GRM1: variants seen among roughly 807,000 people sequenced by gnomAD.
GRM1 encodes glutamate metabotropic receptor 1, also known as metabotropic glutamate receptor 1.
Under a neutral mutation model 90.9 loss-of-function variants are expected in GRM1, and 33 were observed. The ratio of observed to expected loss-of-function variants is 0.36; its 90% CI spans 0.28 to 0.49. The LOEUF (loss-of-function observed/expected upper bound fraction) is 0.49, where lower values mean the gene tolerates loss of function less well. Among genes scored for constraint, GRM1 ranks in the 20% least tolerant of loss-of-function variants. GRM1 has a pLI of 0.99. For missense variants in GRM1, 1,190 were observed against 1,534.3 expected, an observed-to-expected ratio of 0.78 and a Z score of 3.75; for synonymous variants, 700 against 613.2, an observed-to-expected ratio of 1.14 and a Z score of -2.09.
chr6:146,101,976 C>G (rs766763203), intron 1 of GRM1, among the ~76,000 whole-genome samples: 1 of 151,938 alleles, frequency 6.6e-6, no homozygotes, highest in Non-Finnish European at 1.5e-5. Context: ...ATATTATTAT[C>G]AAAGATGAGA....
intron 3 of GRM1, among the ~76,000 whole-genome samples, chr6:146,343,732 T>TC (rs1221020961): frequency 6.6e-6 from 1 of 151,756 alleles, no homozygotes; most frequent in African/African-American, 2.4e-5. Flanking sequence ...AGTGGCACAA[T>TC]CTCTGCTCAC....
At chr6:146,136,229 C>T (rs1264190525) in intron 1 of GRM1, among the ~76,000 whole-genome samples, 1 of 152,184 alleles carries the variant, frequency 6.6e-6, no homozygotes, top group Non-Finnish European at 1.5e-5. Flanking sequence ...GTAAATAGTA[C>T]TGAAATAAAC....
At position 146,284,024 on chromosome 6, in the gene GRM1, C is replaced by T. The variant is rs58888406; in HGVS notation, c.951-20587C>T. Among the ~76,000 whole-genome samples, 757 of 152,310 alleles carry T rather than the reference C, an allele frequency of 5.0e-3. 6 individuals are homozygous for T. Among genetic ancestry groups the T allele is most frequent in the African/African-American group, 0.017 (701 of 41,570 alleles). ...GTAATTGCAGATGTTCTGTGTCTGT[C>T]TATTTGCCTGAGTCTTATGGAAATG... On this transcript the variant is annotated intron_variant, in intron 2 of 7. Coordinates refer to ENST00000282753, the MANE Select transcript of GRM1 (RefSeq NM_001278064.2).
At chr6:146,423,930 A>G (rs1778101327) in intron 7 of GRM1, among the ~76,000 whole-genome samples, 1 of 152,062 alleles carries the variant, frequency 6.6e-6, no homozygotes, top group Admixed American at 6.5e-5. Flanking sequence ...GGTGTTTTGT[A>G]TTTTTCATTT....
intron 1 of GRM1, among the ~76,000 whole-genome samples, chr6:146,122,135 G>A (rs1406398797): frequency 6.6e-6 from 1 of 152,036 alleles, no homozygotes; most frequent in Non-Finnish European, 1.5e-5. Context: ...AATGGTAAAG[G>A]GATATATTTA....
chr6:146,331,699 T>A (rs1490955914), intron 3 of GRM1, among the ~76,000 whole-genome samples: 1 of 152,190 alleles, frequency 6.6e-6, no homozygotes, highest in Admixed American at 6.6e-5. Context: ...AGAGCTTTTG[T>A]GTCTTCTTCA....
At chr6:146,321,671 G>A (rs1378791720) in intron 3 of GRM1, among the ~76,000 whole-genome samples, 1 of 151,290 alleles carries the variant, frequency 6.6e-6, no homozygotes, top group African/African-American at 2.4e-5. Context: ...TGCATATTTA[G>A]GATAGTTAGC....
chr6:146,061,588 C>T (rs980102445), intron 1 of GRM1, among the ~76,000 whole-genome samples: 8 of 151,938 alleles, frequency 5.3e-5, no homozygotes, highest in South Asian at 2.1e-4. Context: ...GGCTAATATC[C>T]GGAATCTACA....
intron 7 of GRM1, among the ~76,000 whole-genome samples, chr6:146,412,201 T>G (rs578006097): frequency 1.8e-4 from 28 of 152,316 alleles, no homozygotes; most frequent in Admixed American, 1.2e-3. Flanking sequence ...TGGAATGAAT[T>G]CTGGCATGTG....
In GRM1 at chr6:146,398,845, G is replaced by A; in HGVS notation, c.1806G>A (p.Leu602=). The part of the protein sequence containing the change: ...ESIIAIAFSC[L]GILVTLFVTL... ...TTATAGCCATCGCCTTTTCATGCCT[G>A]GGAATCCTTGTTACCTTGTTTGTCA... The change falls in exon 7 of 8, where the codon CTG becomes CTA. Residue 602 remains leucine, a synonymous_variant. Transcript: ENST00000282753. 1 of 1,613,726 alleles carries A rather than the reference G, an allele frequency of 6.2e-7. No individual in the cohort carries two copies. Among genetic ancestry groups the A allele is most frequent in the Non-Finnish European group, 8.5e-7 (1 of 1,179,700 alleles).
chr6:146,371,369 G>T (rs1200107466), intron 5 of GRM1, among the ~76,000 whole-genome samples: 2 of 151,636 alleles, frequency 1.3e-5, no homozygotes, highest in Admixed American at 1.3e-4. Flanking sequence ...TATATTTATG[G>T]GGTACATGAG....
intron 3 of GRM1, among the ~76,000 whole-genome samples, chr6:146,346,929 G>C (rs527591136): frequency 6.6e-6 from 1 of 152,246 alleles, no homozygotes; most frequent in African/African-American, 2.4e-5. Flanking sequence ...ATTTACCATT[G>C]CTTCCCCGAA....
intron 5 of GRM1, among the ~76,000 whole-genome samples, chr6:146,385,704 TTGAC>T (rs558256547): frequency 3.3e-5 from 5 of 151,976 alleles, no homozygotes; most frequent in Non-Finnish European, 5.9e-5. Flanking sequence ...TCAGGGATAA[TTGAC>T]TGTTTAAAGC....
chr6:146,304,956 A>G, intron 3 of GRM1, 110 bp downstream of exon 3: 2 of 792,820 alleles, frequency 2.5e-6, no homozygotes, highest in East Asian at 5.1e-5. Context: ...TCCAAAGACA[A>G]AATTGCCATC....
chr6:146,303,491 C>A lies in GRM1; in HGVS notation c.951-1120C>A, dbSNP rs376763377. On this transcript the variant is annotated intron_variant, in intron 2 of 7. Transcript: ENST00000282753. ...TTCTCTGCCTTTTTGAGATGTAGAT[C>A]GTCTAGTTTCTTGCTAATTTCAGAA... Among the ~76,000 whole-genome samples the A allele has an allele frequency of 2.8e-4, 43 of 152,254 alleles. No individual in the cohort carries two copies. The Middle Eastern group carries it at 0.014, about 48-fold the overall frequency.
In GRM1 at chr6:146,299,867, C is replaced by T. The variant is rs557082425; in HGVS notation, c.951-4744C>T. Among the ~76,000 whole-genome samples the T allele has an allele frequency of 2.0e-5, 3 of 152,222 alleles. No individual in the cohort carries two copies. The East Asian group carries it at 5.8e-4, about 29-fold the overall frequency. On this transcript the variant is annotated intron_variant, in intron 2 of 7. Coordinates refer to ENST00000282753, the MANE Select transcript of GRM1 (RefSeq NM_001278064.2). ...TACCTGAGTTCCCCACAACCTCAAC[C>T]TTGTGCCATGATTTGAAAACATCCA...
intron 5 of GRM1, among the ~76,000 whole-genome samples, chr6:146,378,903 T>C (rs1009492051): frequency 3.9e-5 from 6 of 152,196 alleles, no homozygotes; most frequent in African/African-American, 1.4e-4. Flanking sequence ...TGAGTTTCCC[T>C]GCACATTCTC....
At chr6:146,272,878 A>G (rs1782221950) in intron 2 of GRM1, among the ~76,000 whole-genome samples, 1 of 152,218 alleles carries the variant, frequency 6.6e-6, no homozygotes, top group Non-Finnish European at 1.5e-5. Flanking sequence ...AAAGGAACAT[A>G]GACATTATTC....
chr6:146,175,286 T>C (rs1024984684), intron 2 of GRM1, among the ~76,000 whole-genome samples: 5 of 150,414 alleles, frequency 3.3e-5, no homozygotes, highest in Admixed American at 6.6e-5. Flanking sequence ...AAAGCTATTA[T>C]TCTAATGAGG....
Sources: gnomAD v4.1 joint callset for allele counts (sites outside exome capture counted in the v4.1 genomes callset) on GRCh38, gnomAD v4.1.1 for gene constraint, MANE v1.5 for transcripts, NCBI Gene and HGNC (gene_info 2026-07-23, HGNC 2026-07-21) for gene names.